KCNG3: variants seen among roughly 807,000 people sequenced by gnomAD.
KCNG3 encodes voltage-gated potassium channel regulatory subunit KCNG3.
Under a neutral mutation model 29.0 loss-of-function variants are expected in KCNG3, and 15 were observed. That is an observed-to-expected ratio of 0.52 (90% confidence interval 0.35 to 0.80). The LOEUF is 0.80. Ranked by LOEUF, KCNG3 falls within the 30% of genes least tolerant of loss-of-function variation. The probability of loss-of-function intolerance (pLI) is 0.01; values close to 1 mark genes in which losing one functional copy is unlikely to be tolerated. For missense variants in KCNG3, 512 were observed against 605.7 expected (o/e 0.85, Z 1.62); for synonymous variants, 322 against 248.9 (o/e 1.29, Z -2.76).
the KCNG3 span, among the ~76,000 whole-genome samples, chr2:42,391,965 G>A: frequency 6.6e-6 from 1 of 152,082 alleles, no homozygotes; most frequent in Non-Finnish European, 1.5e-5. Context: ...ACGGTGCCAG[G>A]CACTCATATC....
At position 42,452,307 on chromosome 2, in the gene KCNG3, G is replaced by T. The variant is rs770501389; in HGVS notation, c.666-7728C>A. On this transcript the variant is annotated intron_variant, in intron 1 of 1. Coordinates refer to ENST00000306078, the MANE Select transcript of KCNG3 (RefSeq NM_133329.6). ...GTCACCCAGGCTAGAGCATAATGGA[G>T]CAGTCATAGCTCACTGCAGCCTCAA... 1.5e-3 allele frequency among the ~76,000 whole-genome samples: 219 copies of T among 146,592 alleles called. 1 individual carries two copies. The highest frequency in any genetic ancestry group is 2.7e-3 in the Non-Finnish European group (178 of 67,070).
Position 42,493,652 on chromosome 2 carries a change from C to A in KCNG3, c.-151G>T, listed in dbSNP as rs965203678. 196 of 562,898 alleles carry A rather than the reference C, an allele frequency of 3.5e-4. 1 individual carries two copies. Among genetic ancestry groups the A allele is most frequent in the Non-Finnish European group, 4.8e-4 (185 of 384,392 alleles). The allele number at this position is 562,898 out of a possible 1,614,324, so 34.9% of individuals were successfully genotyped here. A position where few individuals can be genotyped will look rare whatever the true frequency, so the allele number is the denominator to read the frequency against. On this transcript the variant is annotated 5_prime_UTR_variant, in exon 1 of 2. Coordinates refer to ENST00000306078, the MANE Select transcript of KCNG3 (RefSeq NM_133329.6). ...GGGCTCCGCTCCTGCCCTCCGCTGG[C>A]CCGGGGGTCCCTGGGCTCGAGTATC...
chr2:42,464,151 T>C (rs1004256646), intron 1 of KCNG3, among the ~76,000 whole-genome samples: 1 of 152,214 alleles, frequency 6.6e-6, no homozygotes, highest in Non-Finnish European at 1.5e-5. Flanking sequence ...GTAACTAATG[T>C]GTCCAGTGCT....
intron 1 of KCNG3, chr2:42,463,844 G>T: frequency 4.0e-6 from 1 of 251,610 alleles, no homozygotes; most frequent in Non-Finnish European, 8.0e-6. Flanking sequence ...AGTCACTTTG[G>T]TGGCCTCAGT....
At chr2:42,394,918 A>G in the KCNG3 span, among the ~76,000 whole-genome samples, 1 of 152,194 alleles carries the variant, frequency 6.6e-6, no homozygotes, top group Admixed American at 6.5e-5. Flanking sequence ...ACCACTCCAG[A>G]AACTCCAAAT....
chr2:42,481,996 G>GT (rs1673596959), intron 1 of KCNG3, among the ~76,000 whole-genome samples: 1 of 152,128 alleles, frequency 6.6e-6, no homozygotes, highest in Non-Finnish European at 1.5e-5. Flanking sequence ...CTTACATTGT[G>GT]TTTTTTCTTT....
chr2:42,451,690 C>T (rs1029855353), intron 1 of KCNG3, among the ~76,000 whole-genome samples: 2 of 152,100 alleles, frequency 1.3e-5, no homozygotes, highest in Non-Finnish European at 2.9e-5. Context: ...CGTGCCACTG[C>T]ACTCCAACCT....
chr2:42,437,071 G>A (rs778511935), downstream of KCNG3, among the ~76,000 whole-genome samples: 5 of 151,918 alleles, frequency 3.3e-5, no homozygotes, highest in Non-Finnish European at 5.9e-5. Flanking sequence ...TTTCCCATAC[G>A]AATGTCTGGA....
At chr2:42,419,217 C>CTTTTT in the KCNG3 span, among the ~76,000 whole-genome samples, 9 of 47,572 alleles carry the variant, frequency 1.9e-4, no homozygotes, top group Non-Finnish European at 3.4e-4. Context: ...CAGATGGTAT[C>CTTTTT]TCTTTTTTTT....
intron 1 of KCNG3, among the ~76,000 whole-genome samples, chr2:42,492,089 GA>G (rs1037316984): frequency 2.6e-5 from 4 of 151,604 alleles, no homozygotes; most frequent in East Asian, 3.9e-4. Context: ...TAGTAAAGTA[GA>G]AAAAAAAATT....
chr2:42,477,266 A>G (rs1673451096), intron 1 of KCNG3, among the ~76,000 whole-genome samples: 1 of 151,570 alleles, frequency 6.6e-6, no homozygotes, highest in Non-Finnish European at 1.5e-5. Context: ...TGACTGCTAA[A>G]TACACTAGTT....
the KCNG3 span, among the ~76,000 whole-genome samples, chr2:42,419,510 G>A: frequency 6.6e-6 from 1 of 151,864 alleles, no homozygotes; most frequent in Non-Finnish European, 1.5e-5. Flanking sequence ...CCAAAGTGCT[G>A]GGATTACAGG....
At chr2:42,489,070 G>C (rs1673806672) in intron 1 of KCNG3, among the ~76,000 whole-genome samples, 1 of 151,744 alleles carries the variant, frequency 6.6e-6, no homozygotes, top group Non-Finnish European at 1.5e-5. Flanking sequence ...CAAGGTGGTA[G>C]GATTGCTTGA....
chr2:42,464,894 G>T (rs1217140627), intron 1 of KCNG3, among the ~76,000 whole-genome samples: 1 of 152,078 alleles, frequency 6.6e-6, no homozygotes, highest in East Asian at 1.9e-4. Context: ...AGCAAGTAGG[G>T]CTGTGTGTCT....
the KCNG3 span, among the ~76,000 whole-genome samples, chr2:42,410,696 T>C: frequency 6.6e-6 from 1 of 152,152 alleles, no homozygotes; most frequent in Admixed American, 6.5e-5. Context: ...CTTTTAGTTT[T>C]TAAAAAACAT....
At chr2:42,397,167 C>T in the KCNG3 span, among the ~76,000 whole-genome samples, 1 of 151,806 alleles carries the variant, frequency 6.6e-6, no homozygotes, top group African/African-American at 2.4e-5. Flanking sequence ...ATCGCTTAAA[C>T]CCGGAGGTGG....
chr2:42,486,587 A>G (rs917122008), intron 1 of KCNG3, among the ~76,000 whole-genome samples: 1 of 152,202 alleles, frequency 6.6e-6, no homozygotes, highest in Non-Finnish European at 1.5e-5. Flanking sequence ...TATAGCCCAC[A>G]TGGGCCTTCC....
At chr2:42,449,567 G>C (rs1273310479) in intron 1 of KCNG3, among the ~76,000 whole-genome samples, 1 of 146,380 alleles carries the variant, frequency 6.8e-6, no homozygotes, top group African/African-American at 2.5e-5. Context: ...ACCCAGGCTG[G>C]AGCACAGTGG....
chr2:42,492,160 A>G (rs1673895569), intron 1 of KCNG3, among the ~76,000 whole-genome samples: 1 of 152,310 alleles, frequency 6.6e-6, no homozygotes, highest in East Asian at 1.9e-4. Context: ...TCTCAAGGTA[A>G]TGGTTTTTTC....
Sources: gnomAD v4.1 joint callset for allele counts (sites outside exome capture counted in the v4.1 genomes callset) on GRCh38, gnomAD v4.1.1 for gene constraint, MANE v1.5 for transcripts, NCBI Gene and HGNC (gene_info 2026-07-23, HGNC 2026-07-21) for gene names.